The following GDAP1 variants were observed in gnomAD, a reference collection of about 807,000 sequenced individuals.
The protein encoded by GDAP1 is ganglioside-induced differentiation-associated protein 1.
In GDAP1, 34 loss-of-function variants were observed where a neutral mutation model predicts 40.1. The ratio of observed to expected loss-of-function variants is 0.85; its 90% confidence interval spans 0.64 to 1.13. GDAP1 has a LOEUF of 1.13. Among genes scored for constraint, GDAP1 ranks in the 50% most tolerant of loss-of-function variants. The pLI, the probability that GDAP1 is intolerant of heterozygous loss-of-function variation, is 0.00. For synonymous variants in GDAP1, 170 were observed against 157.4 expected (o/e 1.08, Z -0.60); for missense variants, 374 against 433.7 (o/e 0.86, Z 1.22).
chr8:74,486,658 G>A lies in GDAP1; in HGVS notation c.166-2020G>A, dbSNP rs572742618. 3.9e-5 allele frequency among the ~76,000 whole-genome samples: 6 copies of A among 152,264 alleles called. No individual in the cohort carries two copies. The South Asian group carries it at 1.2e-3, about 32-fold the overall frequency. On this transcript the variant is annotated intron_variant, in intron 2 of 2. Coordinates refer to the GDAP1 transcript ENST00000523640. Reference sequence around the variant, plus strand: ...ACAGTGGCTTCACTGAGTAGTGAAGGTTGTTGTGGTTTCATTTATGGATCT... The same window carrying A: ...ACAGTGGCTTCACTGAGTAGTGAAGATTGTTGTGGTTTCATTTATGGATCT...
chr8:74,476,321 T>C (rs1806628511), intron 2 of GDAP1, among the ~76,000 whole-genome samples: 1 of 152,178 alleles, frequency 6.6e-6, no homozygotes, highest in African/African-American at 2.4e-5. Flanking sequence ...TTTGATCCTG[T>C]TATTGTGTCA....
At chr8:74,456,118 A>AT (rs1273282751) in intron 2 of GDAP1, among the ~76,000 whole-genome samples, 1 of 151,870 alleles carries the variant, frequency 6.6e-6, no homozygotes, top group Non-Finnish European at 1.5e-5. Context: ...CTCAGTGACA[A>AT]TTTTTTGTTC....
intron 2 of GDAP1, among the ~76,000 whole-genome samples, chr8:74,401,198 C>T (rs1361777357): frequency 4.0e-5 from 6 of 149,098 alleles, no homozygotes; most frequent in Admixed American, 1.3e-4. Flanking sequence ...ACCAATCAGA[C>T]GTAGATTTGG....
At chr8:74,439,774 C>T (rs1236183450) in intron 2 of GDAP1, among the ~76,000 whole-genome samples, 1 of 151,758 alleles carries the variant, frequency 6.6e-6, no homozygotes, top group Non-Finnish European at 1.5e-5. Context: ...CTCTTTAAAC[C>T]ATAAATTAAA....
At chr8:74,402,216 G>A (rs995611718) in intron 2 of GDAP1, among the ~76,000 whole-genome samples, 1 of 150,526 alleles carries the variant, frequency 6.6e-6, no homozygotes, top group African/African-American at 2.5e-5. Flanking sequence ...CCCAATTGGA[G>A]CTTCCCGGCT....
chr8:74,477,135 A>G (rs9650159), intron 2 of GDAP1, among the ~76,000 whole-genome samples: 57,933 of 151,856 alleles, frequency 0.38, 11,678 homozygotes, highest in East Asian at 0.47. Context: ...AGCTCTATCA[A>G]GTCAGTTACA....
chr8:74,442,266 C>T (rs1365888563), intron 2 of GDAP1, among the ~76,000 whole-genome samples: 2 of 152,190 alleles, frequency 1.3e-5, no homozygotes, highest in Non-Finnish European at 2.9e-5. Context: ...TTATAGCAAC[C>T]CATGTTTACT....
intron 2 of GDAP1, among the ~76,000 whole-genome samples, chr8:74,421,332 T>C (rs574130851): frequency 6.6e-5 from 10 of 152,214 alleles, no homozygotes; most frequent in East Asian, 1.9e-4. Flanking sequence ...CTTTTTTTTT[T>C]CCCTATAGGG....
chr8:74,385,743 G>C (rs947648956), intron 2 of GDAP1, among the ~76,000 whole-genome samples: 2 of 152,084 alleles, frequency 1.3e-5, no homozygotes, highest in Admixed American at 1.3e-4. Context: ...TCTGGTTGTA[G>C]ATCCTTAAGG....
intron 2 of GDAP1, among the ~76,000 whole-genome samples, chr8:74,374,719 A>G (rs377314944): frequency 6.6e-6 from 1 of 152,194 alleles, no homozygotes; most frequent in African/African-American, 2.4e-5. Context: ...TATTAGGAAC[A>G]AATGTTGCTA....
chr8:74,458,143 A>C (rs769364582), intron 2 of GDAP1, among the ~76,000 whole-genome samples: 6 of 152,108 alleles, frequency 3.9e-5, no homozygotes, highest in Admixed American at 3.9e-4. Flanking sequence ...CTATTCTTAA[A>C]GAATTTTATT....
At chr8:74,429,405 T>C (rs1805998656) in intron 2 of GDAP1, among the ~76,000 whole-genome samples, 1 of 152,214 alleles carries the variant, frequency 6.6e-6, no homozygotes, top group Admixed American at 6.5e-5. Context: ...AAATAGTATA[T>C]GTAATATTAT....
At chr8:74,354,812 G>C (rs753471272) in intron 2 of GDAP1, among the ~76,000 whole-genome samples, 10 of 152,196 alleles carry the variant, frequency 6.6e-5, no homozygotes, top group Non-Finnish European at 1.2e-4. Context: ...AATTATGGAT[G>C]TAACTTTGAG....
At chr8:74,433,634 A>C (rs1314325725) in intron 2 of GDAP1, among the ~76,000 whole-genome samples, 1 of 152,176 alleles carries the variant, frequency 6.6e-6, no homozygotes, top group Non-Finnish European at 1.5e-5. Context: ...GGAATTGCCT[A>C]TGGTTCAACC....
intron 2 of GDAP1, among the ~76,000 whole-genome samples, chr8:74,422,399 GTC>G (rs1287483858): frequency 2.7e-4 from 18 of 66,804 alleles, no homozygotes; most frequent in South Asian, 5.0e-4. Context: ...CCTTCCTTCT[GTC>G]TCTCTCTCTC....
At position 74,407,160 on chromosome 8, in the gene GDAP1, G is replaced by A. The variant is rs1586824975; in HGVS notation, c.165+55839G>A. 2.7e-5 allele frequency among the ~76,000 whole-genome samples: 4 copies of A among 149,798 alleles called. No individual in the cohort carries two copies. The South Asian group carries it at 8.3e-4, about 31-fold the overall frequency. On this transcript the variant is annotated intron_variant, in intron 2 of 2. Coordinates refer to the GDAP1 transcript ENST00000523640. ...ATCAGAAAAATTGTGATCTGGGTGC[G>A]GTGGCTCACCTCTGTGATCCCAGAG...
At chr8:74,360,432 A>G in intron 3 of GDAP1, 122 bp downstream of exon 3, 1 of 817,892 alleles carries the variant, frequency 1.2e-6, no homozygotes, top group South Asian at 1.4e-5. Flanking sequence ...AGTTTGCTTC[A>G]TGGATGTGCA....
chr8:74,387,552 G>C (rs13255678), intron 2 of GDAP1, among the ~76,000 whole-genome samples: 52,070 of 152,082 alleles, frequency 0.34, 9,735 homozygotes, highest in Middle Eastern at 0.46. Flanking sequence ...TGGTGGATAA[G>C]CTTTCTGATG....
intron 2 of GDAP1, among the ~76,000 whole-genome samples, chr8:74,463,738 T>C (rs1000685129): frequency 2.0e-5 from 3 of 152,136 alleles, no homozygotes; most frequent in Non-Finnish European, 1.5e-5. Context: ...TATGTAGAAA[T>C]TGGAATATCA....
Sources: allele counts gnomAD v4.1 joint callset (sites outside exome capture counted in the v4.1 genomes callset), GRCh38; gene constraint gnomAD v4.1.1; transcripts MANE v1.5; gene names NCBI Gene and HGNC (gene_info 2026-07-23, HGNC 2026-07-21).